ADGRD1: variants seen among roughly 807,000 people sequenced by gnomAD.
ADGRD1 encodes G-protein coupled receptor 133.
ADGRD1 carries 77 observed loss-of-function variants against 113.4 expected under a neutral mutation model. The ratio of observed to expected loss-of-function variants is 0.68; its 90% confidence interval spans 0.57 to 0.82. ADGRD1 has a LOEUF of 0.82. ADGRD1 is among the 40% of genes least tolerant of loss of function. ADGRD1 has a pLI of 0.00. For synonymous variants in ADGRD1, 474 were observed against 475.0 expected, an observed-to-expected ratio of 1.00 and a Z score of 0.03; for missense variants, 1,036 against 1,139.1, an observed-to-expected ratio of 0.91 and a Z score of 1.30.
At chr12:131,098,204 CTCTGCTTTT>C (rs1949984858) in intron 15 of ADGRD1, among the ~76,000 whole-genome samples, 1 of 152,190 alleles carries the variant, frequency 6.6e-6, no homozygotes, top group Non-Finnish European at 1.5e-5. Context: ...TCACTGCCTT[CTCTGCTTTT>C]TCAGGGCTTC....
In ADGRD1 at chr12:131,096,250, C is replaced by G. The variant is rs930648364; in HGVS notation, c.1672-8581C>G. On this transcript the variant is annotated intron_variant, in intron 15 of 24. Coordinates refer to ENST00000261654, the MANE Select transcript of ADGRD1 (RefSeq NM_198827.5). This position sits in a 1 kb window ranked among gnomAD's most constrained non-coding sequence, Gnocchi z 5.2. ...AGACTGCACCCTTTATTTTTATTTA[C>G]AATTTATTTGTGTTAGAGACAAGGT... Among the ~76,000 whole-genome samples, 2 of 152,100 alleles carry G rather than the reference C, an allele frequency of 1.3e-5. No homozygotes were observed. Among genetic ancestry groups the G allele is most frequent in the African/African-American group, 4.8e-5 (2 of 41,400 alleles).
intron 2 of ADGRD1, among the ~76,000 whole-genome samples, chr12:130,963,268 C>G (rs539352158): frequency 2.9e-5 from 4 of 139,482 alleles, no homozygotes; most frequent in Admixed American, 8.0e-5. Context: ...TGCAGTGAGC[C>G]GAGATCGCGC....
intron 13 of ADGRD1, among the ~76,000 whole-genome samples, chr12:131,073,590 A>G (rs545907009): frequency 6.6e-6 from 1 of 152,360 alleles, no homozygotes; most frequent in East Asian, 1.9e-4. Context: ...GTAAAACTGT[A>G]CACCTAGTCC....
rs1271053495 is a variant in ADGRD1, at chr12:131,067,605, T to C, written c.1474-9196T>C. Among the ~76,000 whole-genome samples, 2 of 140,770 alleles carry C rather than the reference T, an allele frequency of 1.4e-5. 1 individual carries two copies. The highest frequency in any genetic ancestry group is 3.2e-5 in the Non-Finnish European group (2 of 63,318). 92.4% of individuals were successfully genotyped at this position (140,770 alleles called of 152,430 possible). Reference sequence around the variant, plus strand: ...CCCCTGATCCTTCTTCTGCCTCCTATATGTCTGATCGCTGTGCCCCTGATC... The same window carrying C: ...CCCCTGATCCTTCTTCTGCCTCCTACATGTCTGATCGCTGTGCCCCTGATC... On this transcript the variant is annotated intron_variant, in intron 13 of 24. Transcript: ENST00000261654.
At chr12:130,956,607 C>T (rs983742697) in intron 2 of ADGRD1, 3 of 152,320 alleles carry the variant, frequency 2.0e-5, no homozygotes, top group African/African-American at 7.2e-5. Flanking sequence ...GGGGTAGCCC[C>T]TCGAACTGCA....
intron 20 of ADGRD1, among the ~76,000 whole-genome samples, chr12:131,122,255 G>A (rs973452912): frequency 2.2e-4 from 33 of 152,122 alleles, no homozygotes; most frequent in African/African-American, 7.7e-4. Flanking sequence ...AAGCAGAGGT[G>A]GTCGCGAGGG....
chr12:131,011,759 G>A (rs867706451), intron 12 of ADGRD1, among the ~76,000 whole-genome samples: 3 of 152,236 alleles, frequency 2.0e-5, no homozygotes, highest in Non-Finnish European at 4.4e-5. Flanking sequence ...TTTCCAGCGC[G>A]TTTGGTGGAA....
chr12:131,023,142 G>C (rs1301824331), intron 13 of ADGRD1: 2 of 152,184 alleles, frequency 1.3e-5, no homozygotes, highest in African/African-American at 4.8e-5. Context: ...TGAGGGGACA[G>C]TGTTTGTTCC....
chr12:131,046,211 G>T (rs867985588), intron 13 of ADGRD1, among the ~76,000 whole-genome samples: 1,607 of 26,686 alleles, frequency 0.06, 5 homozygotes, highest in East Asian at 0.1. Flanking sequence ...CTCCCTCCCT[G>T]GTCAGTGTCC....
At chr12:130,962,725 G>C (rs1466398344) in intron 2 of ADGRD1, 3 of 152,162 alleles carry the variant, frequency 2.0e-5, no homozygotes, top group Non-Finnish European at 2.9e-5. Flanking sequence ...ATTTTATTTA[G>C]AGAGTAACAA....
At chr12:130,985,948 C>T (rs375118068) in intron 5 of ADGRD1, among the ~76,000 whole-genome samples, 13,716 of 152,184 alleles carry the variant, frequency 0.09, 802 homozygotes, top group Middle Eastern at 0.15. Context: ...TGCCTTTTCT[C>T]CTTTGTCAAA....
chr12:130,971,666 C>A lies in ADGRD1; in HGVS notation c.310+86C>A. On this transcript the variant is annotated intron_variant, in intron 4 of 24. Transcript: ENST00000261654. The surrounding 1 kb of genome is among the most constrained non-coding windows in gnomAD (Gnocchi z 4.2). ...CCTCTGGTGACTGGAAGATGTGAAC[C>A]TGAGGTTCTCATCAATTGCAGAATG... 1 of 1,408,838 alleles carries A rather than the reference C, an allele frequency of 7.1e-7. No homozygotes were observed. The allele number at this position is 1,408,838 out of a possible 1,614,324, so 87.3% of individuals were successfully genotyped here. A position where few individuals can be genotyped will look rare whatever the true frequency, so the allele number is the denominator to read the frequency against.
intron 22 of ADGRD1, 89 bp from the exon 23 acceptor site, chr12:131,136,884 C>T: frequency 1.9e-6 from 2 of 1,043,260 alleles, no homozygotes; most frequent in Non-Finnish European, 3.0e-6. Context: ...GGTGCCAGTG[C>T]CACTCCCAGG....
At chr12:130,967,096 C>A (rs931260839) in intron 3 of ADGRD1, 2 of 450,202 alleles carry the variant, frequency 4.4e-6, no homozygotes, top group Non-Finnish European at 9.0e-6. Context: ...AATGGACTAG[C>A]GTCATCTGCA....
intron 13 of ADGRD1, among the ~76,000 whole-genome samples, chr12:131,056,906 G>A (rs116013770): frequency 9.4e-4 from 143 of 152,304 alleles, no homozygotes; most frequent in African/African-American, 3.4e-3. Context: ...TGTCCCTGGG[G>A]AGAACTGAAG....
At chr12:131,118,824 A>G (rs931152229) in intron 19 of ADGRD1, among the ~76,000 whole-genome samples, 1 of 152,204 alleles carries the variant, frequency 6.6e-6, no homozygotes, top group Non-Finnish European at 1.5e-5. Flanking sequence ...CAGCAAGCGC[A>G]CTGTGCAGAC....
chr12:130,982,519 T>A (rs1873132830), intron 5 of ADGRD1, among the ~76,000 whole-genome samples: 8 of 152,236 alleles, frequency 5.3e-5, no homozygotes, highest in Admixed American at 2.0e-4. Context: ...TGTCTCTTCC[T>A]CTTTCTCTTC....
At chr12:131,121,800 C>G (rs1950601438) in intron 20 of ADGRD1, among the ~76,000 whole-genome samples, 4 of 152,178 alleles carry the variant, frequency 2.6e-5, no homozygotes, top group Admixed American at 6.5e-5. Context: ...CTCATCTTCT[C>G]TGCCTCCCCG....
At chr12:131,116,210 A>T (rs2049567) in intron 18 of ADGRD1, among the ~76,000 whole-genome samples, 39,302 of 152,054 alleles carry the variant, frequency 0.26, 6,291 homozygotes, top group East Asian at 0.72. Flanking sequence ...TGCTGGACAC[A>T]GGGGTAGATG....
Sources: allele counts gnomAD v4.1 joint callset (sites outside exome capture counted in the v4.1 genomes callset), GRCh38; gene constraint gnomAD v4.1.1; non-coding constraint Gnocchi (gnomAD v3.1); transcripts MANE v1.5; gene names NCBI Gene and HGNC (gene_info 2026-07-23, HGNC 2026-07-21).